SLC25A26: variants seen among roughly 807,000 people sequenced by gnomAD.
SLC25A26 encodes mitochondrial S-adenosylmethionine carrier protein.
A neutral mutation model predicts 37.8 loss-of-function variants in SLC25A26; 36 were observed. That is an observed-to-expected ratio of 0.95 (90% CI 0.73 to 1.26). SLC25A26 has a LOEUF of 1.26. Among genes scored for constraint, SLC25A26 ranks in the 50% most tolerant of loss-of-function variants. The pLI, the probability that SLC25A26 is intolerant of heterozygous loss-of-function variation, is 0.00. For missense variants in SLC25A26, 390 were observed against 331.1 expected, an observed-to-expected ratio of 1.18 and a Z score of -1.38; for synonymous variants, 129 against 122.5, an observed-to-expected ratio of 1.05 and a Z score of -0.35.
At chr3:66,292,060 T>A (rs777838945) in intron 5 of SLC25A26, among the ~76,000 whole-genome samples, 1 of 152,238 alleles carries the variant, frequency 6.6e-6, no homozygotes, top group African/African-American at 2.4e-5. Context: ...ATAATGCCCT[T>A]CTTTGTCTTT....
chr3:66,226,607 G>A (rs1004713739), intron 1 of SLC25A26, among the ~76,000 whole-genome samples: 12 of 151,994 alleles, frequency 7.9e-5, no homozygotes, highest in South Asian at 4.2e-4. Context: ...CACCAACCAC[G>A]CCTGGCTAAT....
chr3:66,273,137 T>G (rs1160396410), intron 5 of SLC25A26, among the ~76,000 whole-genome samples: 1 of 152,168 alleles, frequency 6.6e-6, no homozygotes, highest in African/African-American at 2.4e-5. Context: ...ATCCCAGGGA[T>G]GAAGCCCACT....
At chr3:66,274,520 C>G (rs184582013) in intron 5 of SLC25A26, among the ~76,000 whole-genome samples, 1 of 152,130 alleles carries the variant, frequency 6.6e-6, no homozygotes, top group African/African-American at 2.4e-5. Context: ...GGGCTAATAT[C>G]CGGAATCTAC....
chr3:66,332,820 C>G (rs1435744401), intron 5 of SLC25A26, among the ~76,000 whole-genome samples: 2 of 152,170 alleles, frequency 1.3e-5, no homozygotes, highest in African/African-American at 2.4e-5. Context: ...TCTTGCTGCT[C>G]TTGTCTCTCC....
intron 6 of SLC25A26, chr3:66,355,961 A>T (rs1337335521): frequency 2.2e-6 from 1 of 451,618 alleles, no homozygotes; most frequent in East Asian, 6.9e-5. Flanking sequence ...AATTGAGTAG[A>T]TGATTCTGTG....
At chr3:66,317,377 C>T (rs1043396729) in intron 5 of SLC25A26, among the ~76,000 whole-genome samples, 4 of 152,106 alleles carry the variant, frequency 2.6e-5, no homozygotes, top group African/African-American at 9.7e-5. Flanking sequence ...AGGACTACTG[C>T]AGTGTGCTGG....
In SLC25A26 at chr3:66,209,898, T is replaced by TTATATATATATATA. The variant is rs1159734636; in HGVS notation, c.-353-10808_-353-10795dup. Among the ~76,000 whole-genome samples the TTATATATATATATA allele has an allele frequency of 6.1e-3, 233 of 38,492 alleles. 20 individuals are homozygous for TTATATATATATATA. Among genetic ancestry groups the TTATATATATATATA allele is most frequent in the Non-Finnish European group, 8.3e-3 (164 of 19,840 alleles). 25.3% of individuals were successfully genotyped at this position (38,492 alleles called of 152,430 possible). A position where few individuals can be genotyped will look rare whatever the true frequency, so the allele number is the denominator to read the frequency against. The stretch of plus-strand genomic sequence containing the variant: ...TATACTCCTCTCTCTCTCTCTCTAT[T>TTATATATATATATA]TATATATATATATATATATATATAT... On this transcript the variant is annotated intron_variant, in intron 1 of 10. Coordinates refer to the SLC25A26 transcript ENST00000676754.
intron 3 of SLC25A26, among the ~76,000 whole-genome samples, chr3:66,260,577 G>A (rs1295245284): frequency 6.6e-6 from 1 of 152,082 alleles, no homozygotes; most frequent in Non-Finnish European, 1.5e-5. Flanking sequence ...AGCTTTAGAG[G>A]CAATATGCCC....
intron 5 of SLC25A26, among the ~76,000 whole-genome samples, chr3:66,280,309 T>C (rs907627749): frequency 1.3e-5 from 2 of 152,190 alleles, no homozygotes; most frequent in African/African-American, 2.4e-5. Context: ...ACTTTTCATA[T>C]ATATTTTTTT....
At position 66,174,980 on chromosome 3, in the gene SLC25A26, A is replaced by G. The variant is rs189283531; in HGVS notation, c.-354+40996A>G. 2.6e-4 allele frequency among the ~76,000 whole-genome samples: 40 copies of G among 151,532 alleles called. No homozygotes were observed. The East Asian group carries it at 3.5e-3, about 13-fold the overall frequency. Reference sequence around the variant, plus strand: ...GGACTTACATGTTAAATGAAGCCCAACTGGTACACTGGGCATAATGGTGGT... The same window carrying G: ...GGACTTACATGTTAAATGAAGCCCAGCTGGTACACTGGGCATAATGGTGGT... On this transcript the variant is annotated intron_variant, in intron 1 of 10. Transcript: ENST00000676754.
At chr3:66,160,687 C>A (rs184585109) in intron 1 of SLC25A26, among the ~76,000 whole-genome samples, 1 of 152,290 alleles carries the variant, frequency 6.6e-6, no homozygotes, top group East Asian at 1.9e-4. Flanking sequence ...GTAATCCCAG[C>A]ACTTTGGGAG....
intron 8 of SLC25A26, 92 bp downstream of exon 8, chr3:66,369,634 A>AG: frequency 9.2e-7 from 1 of 1,092,520 alleles, no homozygotes; most frequent in Non-Finnish European, 1.4e-6. Flanking sequence ...ACAAATGGCT[A>AG]CCATTTACCT....
chr3:66,343,820 A>G (rs188453545), intron 5 of SLC25A26, among the ~76,000 whole-genome samples: 39 of 152,352 alleles, frequency 2.6e-4, no homozygotes, highest in African/African-American at 8.4e-4. Flanking sequence ...ACATTTAGAA[A>G]AGCTTTTAGA....
chr3:66,263,089 G>C (rs1191246429), intron 4 of SLC25A26, among the ~76,000 whole-genome samples: 1 of 152,216 alleles, frequency 6.6e-6, no homozygotes, highest in African/African-American at 2.4e-5. Context: ...TATTGTTAGA[G>C]ATGTTCCTGT....
At chr3:66,273,639 C>T (rs1300751925) in intron 5 of SLC25A26, among the ~76,000 whole-genome samples, 1 of 152,106 alleles carries the variant, frequency 6.6e-6, no homozygotes, top group Non-Finnish European at 1.5e-5. Context: ...TGAGTGAACT[C>T]CCATTCACAA....
chr3:66,168,196 TATATACACACAC>T (rs1269373310), intron 1 of SLC25A26, among the ~76,000 whole-genome samples: 1 of 115,358 alleles, frequency 8.7e-6, no homozygotes, highest in South Asian at 2.9e-4. Context: ...TATATATATA[TATATACACACAC>T]ACACACACAT....
intron 2 of SLC25A26, among the ~76,000 whole-genome samples, chr3:66,239,493 T>A (rs150188858): frequency 6.6e-6 from 1 of 152,144 alleles, no homozygotes; most frequent in Non-Finnish European, 1.5e-5. Context: ...GTTTACTGAC[T>A]CATGGATGGC....
chr3:66,306,492 CTTTTCTTTTTTA>C (rs887704344), intron 5 of SLC25A26, among the ~76,000 whole-genome samples: 1 of 151,486 alleles, frequency 6.6e-6, no homozygotes, highest in Non-Finnish European at 1.5e-5. Context: ...TCTCTTTTTT[CTTTTCTTTTTTA>C]ATACTTTAAG....
intron 5 of SLC25A26, among the ~76,000 whole-genome samples, chr3:66,336,581 G>A (rs889138409): frequency 2.0e-5 from 3 of 152,164 alleles, no homozygotes; most frequent in Non-Finnish European, 4.4e-5. Context: ...TGAGTCTTAA[G>A]TTTACCTTCC....
Sources: gnomAD v4.1 joint callset for allele counts (sites outside exome capture counted in the v4.1 genomes callset) on GRCh38, gnomAD v4.1.1 for gene constraint, MANE v1.5 for transcripts, NCBI Gene and HGNC (gene_info 2026-07-23, HGNC 2026-07-21) for gene names.